The following EPRS1 variants were observed in gnomAD, a reference collection of about 807,000 sequenced individuals.
The protein encoded by EPRS1 is bifunctional glutamate/proline--tRNA ligase.
In EPRS1, 107 loss-of-function variants were observed where a neutral mutation model predicts 188.3. The ratio of observed to expected loss-of-function variants is 0.57; its 90% CI spans 0.49 to 0.67. The LOEUF (loss-of-function observed/expected upper bound fraction) is 0.67. Ranked by LOEUF, EPRS1 falls within the 30% of genes least tolerant of loss-of-function variation. The pLI, the probability that EPRS1 is intolerant of heterozygous loss-of-function variation, is 0.00. For missense variants in EPRS1, 1,577 were observed against 1,802.2 expected, an observed-to-expected ratio of 0.88 and a Z score of 2.26; for synonymous variants, 596 against 593.1, an observed-to-expected ratio of 1.00 and a Z score of -0.07.
chr1:219,998,388 T>C (rs868120429), intron 17 of EPRS1, among the ~76,000 whole-genome samples: 39 of 152,220 alleles, frequency 2.6e-4, no homozygotes, highest in African/African-American at 9.1e-4. Flanking sequence ...TCGCTCAAAA[T>C]TCCTTCCCCA....
chr1:219,992,525 A>C (rs188075733), intron 18 of EPRS1, among the ~76,000 whole-genome samples: 75 of 152,342 alleles, frequency 4.9e-4, no homozygotes, highest in African/African-American at 1.8e-3. Context: ...CTATATAATA[A>C]ATATTTTAGA....
Position 219,987,419 on chromosome 1 carries a change from A to G in EPRS1, c.2776-15T>C, listed in dbSNP as rs750852311. ...TCTACTTGATCCTTTAGTTTAACAA[A>G]AGAGGAAAAAGAGAAGACAGTATTT... On this transcript the variant is annotated splice_polypyrimidine_tract_variant and intron_variant, in intron 19 of 31. Transcript: ENST00000366923. 6.4e-7 allele frequency: 1 copy of G among 1,571,870 alleles called. No homozygotes were observed. Among genetic ancestry groups the G allele is most frequent in the South Asian group, 1.2e-5 (1 of 84,582 alleles).
At chr1:220,002,830 C>T (rs896002692) in intron 16 of EPRS1, among the ~76,000 whole-genome samples, 17 of 152,020 alleles carry the variant, frequency 1.1e-4, no homozygotes, top group African/African-American at 3.6e-4. Flanking sequence ...GAGTGAGACC[C>T]TGTCTCTTAA....
intron 6 of EPRS1, among the ~76,000 whole-genome samples, chr1:220,026,336 A>G (rs1447637095): frequency 1.3e-5 from 2 of 152,196 alleles, no homozygotes; most frequent in Non-Finnish European, 1.5e-5. Flanking sequence ...GACACTGTTG[A>G]TAATATCACA....
intron 1 of EPRS1, among the ~76,000 whole-genome samples, chr1:220,045,306 G>T (rs983318065): frequency 8.5e-5 from 13 of 152,126 alleles, no homozygotes; most frequent in African/African-American, 3.1e-4. Context: ...AGACCTGCCT[G>T]GGCAACACAG....
At chr1:219,978,857 T>C (rs1423431828) in intron 27 of EPRS1, 138 bp from the exon 28 acceptor site, 1 of 579,944 alleles carries the variant, frequency 1.7e-6, no homozygotes, top group Non-Finnish European at 2.9e-6. Flanking sequence ...ATATAATGTC[T>C]ACTAATTACC....
intron 8 of EPRS1, among the ~76,000 whole-genome samples, 164 bp from the exon 9 acceptor site, chr1:220,022,682 C>A (rs1032546055): frequency 1.3e-5 from 2 of 152,256 alleles, no homozygotes; most frequent in South Asian, 2.1e-4. Context: ...AGAGCAAATG[C>A]GTCATTTTTT....
chr1:220,032,611 A>C, intron 4 of EPRS1, 85 bp from the exon 5 acceptor site: 1 of 1,301,420 alleles, frequency 7.7e-7, no homozygotes, highest in Non-Finnish European at 1.1e-6. Context: ...GAAGTAATTG[A>C]GATGGCTTAA....
At position 219,997,336 on chromosome 1, in the gene EPRS1, C is replaced by T; in HGVS notation, c.2188G>A (p.Ala730Thr). ...GGTGTTGGTCTTTCCTTAAAAGGAGCAGAGGTCTACCAAGAGAGAAAACCA... is the reference window on the plus strand; with the variant it reads ...GGTGTTGGTCTTTCCTTAAAAGGAGTAGAGGTCTACCAAGAGAGAAAACCA... The part of the protein sequence containing the change: ...KVEATKNETS[A>T]PFKERPTPSL... The change falls in exon 18 of 32, where the codon GCT becomes ACT. Residue 730 changes from alanine to threonine, a missense_variant. By Grantham distance (58) the Ala-to-Thr change is moderately conservative. Transcript: ENST00000366923. The T allele has an allele frequency of 6.3e-7, 1 of 1,584,412 alleles. No individual in the cohort carries two copies. Among genetic ancestry groups the T allele is most frequent in the Non-Finnish European group, 8.6e-7 (1 of 1,168,712 alleles).
At chr1:220,013,185 A>C (rs1661640617) in intron 12 of EPRS1, among the ~76,000 whole-genome samples, 1 of 152,236 alleles carries the variant, frequency 6.6e-6, no homozygotes, top group Non-Finnish European at 1.5e-5. Context: ...AAAAGCTAGA[A>C]GAAAACTAGT....
At chr1:219,992,199 G>A (rs1362197880) in intron 18 of EPRS1, among the ~76,000 whole-genome samples, 1 of 152,082 alleles carries the variant, frequency 6.6e-6, no homozygotes, top group East Asian at 1.9e-4. Flanking sequence ...ACTGTGGTTT[G>A]GGTTTTAAAA....
chr1:220,034,281 A>C lies in EPRS1; in HGVS notation c.232-623T>G, dbSNP rs141396195. Reference sequence around the variant, plus strand: ...AATTACCTACTGTATTGAGTATTGTAACTTGCCAGTATAGGTTTGTAGTCT... The same window carrying C: ...AATTACCTACTGTATTGAGTATTGTCACTTGCCAGTATAGGTTTGTAGTCT... On this transcript the variant is annotated intron_variant, in intron 3 of 31. Transcript: ENST00000366923. Among the ~76,000 whole-genome samples the C allele has an allele frequency of 4.0e-3, 607 of 152,324 alleles. 2 individuals are homozygous for C. The highest frequency in any genetic ancestry group is 0.014 in the African/African-American group (572 of 41,586).
intron 15 of EPRS1, among the ~76,000 whole-genome samples, chr1:220,005,817 G>GTTTTTTTTTTTTTTTTT (rs765781858): frequency 8.4e-6 from 1 of 119,656 alleles, no homozygotes; most frequent in African/African-American, 3.4e-5. Context: ...TACTTACATC[G>GTTTTTTTTTTTTTTTTT]TTTTTTTTTT....
chr1:220,034,979 G>A lies in EPRS1; in HGVS notation c.166C>T (p.Arg56Cys), dbSNP rs529651034. Residue 56 changes from arginine (R) to cysteine (C), a missense_variant, in exon 3 of 32, where the codon CGC (arginine) becomes TGC (cysteine). Around this residue, in one of 3 missense-constraint regions of EPRS1, gnomAD observed 1,278 missense variants for 1,457.4 expected, o/e 0.88. Coordinates refer to ENST00000366923, the MANE Select transcript of EPRS1 (RefSeq NM_004446.3). ...GTAGTTGCAACTCTAGCCAAGTAGC[G>A]AAGTATAGAATTCACATCTGTGAAT... is the stretch of plus-strand genomic sequence containing the variant. ...VIFTDVNSIL[R>C]YLARVATTAG... is the part of the protein sequence containing the mutation. 4.4e-6 allele frequency: 7 copies of A among 1,598,220 alleles called. No homozygotes were observed. The highest frequency in any genetic ancestry group is 2.2e-5 in the East Asian group (1 of 44,582).
In EPRS1 at chr1:220,020,870, A is replaced by ATATATATATATATATATATG. The variant is rs1219334636; in HGVS notation, c.1116-650_1116-649insCATATATATATATATATATA. Among the ~76,000 whole-genome samples, 37 of 77,280 alleles carry ATATATATATATATATATATG rather than the reference A, an allele frequency of 4.8e-4. 1 individual carries two copies. Among genetic ancestry groups the ATATATATATATATATATATG allele is most frequent in the Non-Finnish European group, 7.6e-4 (30 of 39,664 alleles). The allele number at this position is 77,280 out of a possible 152,430, so 50.7% of individuals were successfully genotyped here. ...TATATATATATATATATATATATATATTAGTGCATTATGCTTTCTTTCTTT... is the reference window on the plus strand; with the variant it reads ...TATATATATATATATATATATATATATATATATATATATATATATGTTAGTGCATTATGCTTTCTTTCTTT... On this transcript the variant is annotated intron_variant, in intron 9 of 31. Transcript: ENST00000366923.
chr1:220,006,588 G>A (rs1661492271), intron 14 of EPRS1, among the ~76,000 whole-genome samples: 1 of 151,968 alleles, frequency 6.6e-6, no homozygotes, highest in African/African-American at 2.4e-5. Flanking sequence ...AATTGATGAG[G>A]AACATGTATA....
rs1296006039 is a variant in EPRS1, at chr1:220,001,167, T to C, written c.2152A>G (p.Lys718Glu). The C allele has an allele frequency of 4.3e-6, 7 of 1,613,392 alleles. No individual in the cohort carries two copies. In the South Asian group the frequency reaches 6.6e-5, roughly 15 times the overall value. ...KEMPTSGSKE[K>E]TKVEATKNET... The stretch of plus-strand genomic sequence containing the variant: ...TTTTTTGTGGCTTCTACTTTGGTCT[T>C]TTCCTTTGACCCTGATGTTGGCATT... The change falls in exon 17 of 32, where the codon AAG becomes GAG. Residue 718 changes from lysine (K) to glutamate (E), a missense_variant. Lys to Glu is a moderately conservative substitution (Grantham distance 56). Around this residue, in one of 3 missense-constraint regions of EPRS1, gnomAD observed 1,278 missense variants for 1,457.4 expected, o/e 0.88. Coordinates refer to ENST00000366923, the MANE Select transcript of EPRS1 (RefSeq NM_004446.3).
At position 220,046,219 on chromosome 1, in the gene EPRS1, G is replaced by A. The variant is rs1662399523; in HGVS notation, c.46+124C>T. 24 of 1,163,334 alleles carry A rather than the reference G, an allele frequency of 2.1e-5. No individual in the cohort carries two copies. The East Asian group carries it at 5.9e-4, about 29-fold the overall frequency. 72.1% of individuals were successfully genotyped at this position (1,163,334 alleles called of 1,614,324 possible). A position where few individuals can be genotyped will look rare whatever the true frequency, so the allele number is the denominator to read the frequency against. On this transcript the variant is annotated intron_variant, in intron 1 of 31. Transcript: ENST00000366923. ...TCCTCCACGTACAATTCTGGGGCGAGGGGCAGGTCCAACATCCCAGATGGT... is the reference window on the plus strand; with the variant it reads ...TCCTCCACGTACAATTCTGGGGCGAAGGGCAGGTCCAACATCCCAGATGGT...
intron 25 of EPRS1, 144 bp from the exon 26 acceptor site, chr1:219,980,384 C>A: frequency 3.4e-6 from 2 of 590,608 alleles, no homozygotes; most frequent in Admixed American, 3.2e-5. Flanking sequence ...GTTAAAGCAG[C>A]CAGTGTGAAC....
Sources: allele counts gnomAD v4.1 joint callset (sites outside exome capture counted in the v4.1 genomes callset), GRCh38; gene constraint gnomAD v4.1.1; regional missense constraint gnomAD v4.1.1; transcripts MANE v1.5; gene names NCBI Gene and HGNC (gene_info 2026-07-23, HGNC 2026-07-21).